ANXA4: variants seen among roughly 807,000 people sequenced by gnomAD.
The protein encoded by ANXA4 is annexin A4.
A neutral mutation model predicts 49.8 loss-of-function variants in ANXA4; 39 were observed. The observed-to-expected ratio is 0.78, with a 90% confidence interval of 0.61 to 1.02. The LOEUF (loss-of-function observed/expected upper bound fraction) is 1.02. Ranked by LOEUF, ANXA4 falls within the 50% of genes least tolerant of loss-of-function variation. The pLI, the probability that ANXA4 is intolerant of heterozygous loss-of-function variation, is 0.00. For missense variants in ANXA4, 360 were observed against 410.1 expected (o/e 0.88, Z 1.05); for synonymous variants, 134 against 152.5 (o/e 0.88, Z 0.89).
At chr2:69,753,085 C>A (rs1175196305) in intron 1 of ANXA4, among the ~76,000 whole-genome samples, 1 of 152,192 alleles carries the variant, frequency 6.6e-6, no homozygotes, top group Non-Finnish European at 1.5e-5. Flanking sequence ...CGTAATAGTT[C>A]TCACATGCCG....
intron 9 of ANXA4, chr2:69,817,018 GTGATTACTCCTGTTAATCAA>G (rs1291082280): frequency 1.3e-5 from 2 of 152,320 alleles, no homozygotes; most frequent in African/African-American, 4.8e-5. Flanking sequence ...AAAAAAACAG[GTGATTACTCCTGTTAATCAA>G]TATCCCGGGC....
intron 2 of ANXA4, among the ~76,000 whole-genome samples, chr2:69,675,244 G>A (rs2105348864): frequency 6.6e-6 from 1 of 152,124 alleles, no homozygotes; most frequent in South Asian, 2.1e-4. Context: ...ATTTTCCTCA[G>A]TCATCCTGCC....
At chr2:69,788,329 C>A (rs1573256627) in intron 3 of ANXA4, among the ~76,000 whole-genome samples, 188 bp downstream of exon 3, 1 of 151,880 alleles carries the variant, frequency 6.6e-6, no homozygotes, top group East Asian at 1.9e-4. Flanking sequence ...CACTTGAGGC[C>A]ACAAGTTCGA....
intron 2 of ANXA4, among the ~76,000 whole-genome samples, chr2:69,701,846 C>A (rs1678338788): frequency 6.6e-6 from 1 of 151,940 alleles, no homozygotes; most frequent in Non-Finnish European, 1.5e-5. Flanking sequence ...CTGTTGATAT[C>A]TTTACCCATT....
rs747374213 is a variant in ANXA4, at chr2:69,684,208, TAG to T, written n.766+30927_766+30928del. 1.1e-4 allele frequency among the ~76,000 whole-genome samples: 16 copies of T among 152,190 alleles called. 1 individual carries two copies. The highest frequency in any genetic ancestry group is 2.1e-4 in the Non-Finnish European group (14 of 68,040). On this transcript the variant is annotated intron_variant and non_coding_transcript_variant, in intron 2 of 3. Transcript: ENST00000418066. The stretch of plus-strand genomic sequence containing the variant: ...CTATACCATGCTTCACTTTAGAAAG[TAG>T]GGAGCTTGTTGCAAATTCAAACAAG...
intron 2 of ANXA4, among the ~76,000 whole-genome samples, chr2:69,658,399 C>CA (rs754617600): frequency 0.12 from 8,738 of 74,376 alleles, 945 homozygotes; most frequent in African/African-American, 0.31. Flanking sequence ...GGTTCTGTCT[C>CA]AAAAAAAAAA....
intron 1 of ANXA4, among the ~76,000 whole-genome samples, chr2:69,759,993 C>T (rs1029110693): frequency 2.0e-5 from 3 of 152,016 alleles, no homozygotes; most frequent in Non-Finnish European, 4.4e-5. Context: ...CCACCATGCC[C>T]GGCTAATTTT....
At chr2:69,816,828 TTAGATCTTTAAGTACA>T (rs1465075835) in intron 9 of ANXA4, 1 of 152,228 alleles carries the variant, frequency 6.6e-6, no homozygotes, top group African/African-American at 2.4e-5. Flanking sequence ...TACGAGTTCT[TTAGATCTTTAAGTACA>T]TTATAATTTT....
chr2:69,690,543 CTT>C (rs573712245), intron 2 of ANXA4, among the ~76,000 whole-genome samples: 1 of 152,092 alleles, frequency 6.6e-6, no homozygotes, highest in Admixed American at 6.6e-5. Flanking sequence ...CCGGCCCAGT[CTT>C]TTCATCTACT....
chr2:69,794,507 A>ATGTTATGTTATGTTATGTTATG (rs1558506501), intron 3 of ANXA4, among the ~76,000 whole-genome samples: 1 of 79,930 alleles, frequency 1.3e-5, no homozygotes, highest in African/African-American at 5.5e-5. Flanking sequence ...GTTATGTTAT[A>ATGTTATGTTATGTTATGTTATG]TTATGTTATG....
chr2:69,769,436 C>T (rs760487679), intron 1 of ANXA4, among the ~76,000 whole-genome samples: 2 of 152,186 alleles, frequency 1.3e-5, no homozygotes, highest in East Asian at 3.8e-4. Context: ...ATGCTAACTT[C>T]AGGCAAATTA....
At chr2:69,647,123 T>C (rs1205362992) in intron 1 of ANXA4, among the ~76,000 whole-genome samples, 1 of 152,196 alleles carries the variant, frequency 6.6e-6, no homozygotes, top group African/African-American at 2.4e-5. Context: ...GTAACTTAAG[T>C]GTGTATTCTT....
At chr2:69,780,122 A>G (rs1465715505) in intron 1 of ANXA4, among the ~76,000 whole-genome samples, 1 of 150,454 alleles carries the variant, frequency 6.6e-6, no homozygotes, top group Non-Finnish European at 1.5e-5. Context: ...TGTGCAGGCA[A>G]ATGTTTGGGG....
At chr2:69,662,588 G>A (rs1368382225) in intron 2 of ANXA4, among the ~76,000 whole-genome samples, 1 of 152,138 alleles carries the variant, frequency 6.6e-6, no homozygotes, top group Non-Finnish European at 1.5e-5. Flanking sequence ...CTTCCTGCTT[G>A]GCTCCTAGAA....
At chr2:69,801,181 A>G (rs1382002253) in intron 3 of ANXA4, among the ~76,000 whole-genome samples, 1 of 152,102 alleles carries the variant, frequency 6.6e-6, no homozygotes, top group Non-Finnish European at 1.5e-5. Flanking sequence ...CAAAAAAGGG[A>G]AGGTGGAGTT....
chr2:69,690,835 G>A (rs1433900914), intron 2 of ANXA4, among the ~76,000 whole-genome samples: 3 of 152,096 alleles, frequency 2.0e-5, no homozygotes, highest in African/African-American at 7.2e-5. Flanking sequence ...GGGCATCACC[G>A]GTTGCTCTAT....
chr2:69,667,082 A>G (rs1676966643), intron 2 of ANXA4, among the ~76,000 whole-genome samples: 1 of 151,502 alleles, frequency 6.6e-6, no homozygotes, highest in Non-Finnish European at 1.5e-5. Context: ...ATGAAATAAA[A>G]TAAAATAAAA....
At chr2:69,738,638 A>G (rs1053863996), upstream of ANXA4, among the ~76,000 whole-genome samples, 4 of 152,210 alleles carry the variant, frequency 2.6e-5, no homozygotes, top group African/African-American at 7.2e-5. Flanking sequence ...AGCGTGCATA[A>G]GAAGGCTTGT....
At chr2:69,681,426 G>A (rs1247339315) in intron 2 of ANXA4, among the ~76,000 whole-genome samples, 10 of 147,810 alleles carry the variant, frequency 6.8e-5, no homozygotes, top group African/African-American at 2.3e-4. Flanking sequence ...GTGCCGTGGT[G>A]CAATCTCAGC....
Sources: allele counts gnomAD v4.1 joint callset (sites outside exome capture counted in the v4.1 genomes callset), GRCh38; gene constraint gnomAD v4.1.1; transcripts MANE v1.5; gene names NCBI Gene and HGNC (gene_info 2026-07-23, HGNC 2026-07-21).